CADM1: variants seen among roughly 807,000 people sequenced by gnomAD.
The protein encoded by CADM1 is cell adhesion molecule 1.
In CADM1, 15 loss-of-function variants were observed where a neutral mutation model predicts 53.1. The ratio of observed to expected loss-of-function variants is 0.28; its 90% CI spans 0.19 to 0.44. CADM1 has a LOEUF of 0.44. Among genes scored for constraint, CADM1 ranks in the 20% least tolerant of loss-of-function variants. The pLI is 1.00. For missense variants in CADM1, 434 were observed against 611.3 expected (o/e 0.71, Z 3.06); for synonymous variants, 281 against 243.0 (o/e 1.16, Z -1.45).
chr11:115,492,181 C>T (rs1489631390), intron 1 of CADM1, among the ~76,000 whole-genome samples: 3 of 151,944 alleles, frequency 2.0e-5, no homozygotes, highest in Non-Finnish European at 2.9e-5. Flanking sequence ...ATAACAAATA[C>T]GAGAACCTAG....
At chr11:115,483,920 A>G (rs549212993) in intron 1 of CADM1, among the ~76,000 whole-genome samples, 1 of 152,322 alleles carries the variant, frequency 6.6e-6, no homozygotes, top group South Asian at 2.1e-4. Flanking sequence ...AAGTTCTATT[A>G]GACAGCACTG....
Position 115,231,902 on chromosome 11 carries a change from C to T in CADM1, c.425-412G>A, listed in dbSNP as rs568372332. Among the ~76,000 whole-genome samples, 11 of 152,190 alleles carry T rather than the reference C, an allele frequency of 7.2e-5. No homozygotes were observed. The South Asian group carries it at 2.3e-3, about 32-fold the overall frequency. On this transcript the variant is annotated intron_variant, in intron 3 of 11. Transcript: ENST00000331581. ...TTGGGAGGCTGAGGCAGGAGAATCGCTTGAACCTGGGAGGCGGAGGTTACA... is the reference window on the plus strand; with the variant it reads ...TTGGGAGGCTGAGGCAGGAGAATCGTTTGAACCTGGGAGGCGGAGGTTACA...
At chr11:115,379,960 A>G (rs1419980122) in intron 1 of CADM1, among the ~76,000 whole-genome samples, 5 of 152,174 alleles carry the variant, frequency 3.3e-5, no homozygotes, top group South Asian at 2.1e-4. Flanking sequence ...TAGACTATAT[A>G]ATAAAAATCA....
chr11:115,471,816 G>A (rs1208511796), intron 1 of CADM1, among the ~76,000 whole-genome samples: 2 of 152,170 alleles, frequency 1.3e-5, no homozygotes, highest in African/African-American at 2.4e-5. Flanking sequence ...CAGAGATAGT[G>A]GGGGAGAAGG....
chr11:115,413,663 G>C (rs1484268451), intron 1 of CADM1, among the ~76,000 whole-genome samples: 1 of 68,242 alleles, frequency 1.5e-5, no homozygotes, highest in Non-Finnish European at 4.2e-5. Context: ...TTTTTTCTCT[G>C]AGACAGAGTC....
chr11:115,353,228 C>A, intron 1 of CADM1, among the ~76,000 whole-genome samples: 1 of 152,010 alleles, frequency 6.6e-6, no homozygotes, highest in East Asian at 1.9e-4. Context: ...TTAGGGAAAT[C>A]TTCTCTGTAA....
chr11:115,380,307 A>T (rs1946543471), intron 1 of CADM1, among the ~76,000 whole-genome samples: 1 of 152,154 alleles, frequency 6.6e-6, no homozygotes, highest in Admixed American at 6.5e-5. Flanking sequence ...TGATTTTTGA[A>T]CTCAAGCAAT....
intron 1 of CADM1, among the ~76,000 whole-genome samples, chr11:115,432,993 C>G (rs1311782110): frequency 6.6e-6 from 1 of 152,184 alleles, no homozygotes. Flanking sequence ...ATTTAAATAG[C>G]ATTCCAAATC....
At chr11:115,405,372 C>T (rs1440712365) in intron 1 of CADM1, among the ~76,000 whole-genome samples, 2 of 152,232 alleles carry the variant, frequency 1.3e-5, no homozygotes, top group Admixed American at 6.5e-5. Context: ...AGTTCTCCCA[C>T]AGCACCTATG....
intron 1 of CADM1, among the ~76,000 whole-genome samples, chr11:115,343,813 A>G (rs1202227610): frequency 1.3e-5 from 2 of 151,814 alleles, no homozygotes; most frequent in African/African-American, 4.8e-5. Context: ...GCTACCTATT[A>G]TCTCTGTGAT....
intron 8 of CADM1, among the ~76,000 whole-genome samples, chr11:115,207,760 C>T (rs1188425757): frequency 6.6e-6 from 1 of 152,120 alleles, no homozygotes; most frequent in Non-Finnish European, 1.5e-5. Flanking sequence ...GTAATAAATG[C>T]TGGCTCATAC....
intron 1 of CADM1, among the ~76,000 whole-genome samples, chr11:115,479,174 T>G (rs1009213278): frequency 2.6e-5 from 4 of 152,132 alleles, no homozygotes; most frequent in African/African-American, 9.7e-5. Flanking sequence ...TCTTTAAGAC[T>G]TTTTTGAGAA....
intron 5 of CADM1, among the ~76,000 whole-genome samples, chr11:115,226,351 T>C (rs1277131288): frequency 6.6e-6 from 1 of 152,194 alleles, no homozygotes; most frequent in Non-Finnish European, 1.5e-5. Context: ...AGGAAAACCC[T>C]GAGGGGTAAA....
intron 1 of CADM1, among the ~76,000 whole-genome samples, chr11:115,296,034 T>C (rs1944069286): frequency 6.6e-6 from 1 of 152,192 alleles, no homozygotes; most frequent in Non-Finnish European, 1.5e-5. Context: ...CACTATAACC[T>C]GGAACTCCTA....
chr11:115,424,588 C>T (rs1000997781), intron 1 of CADM1, among the ~76,000 whole-genome samples: 2 of 152,026 alleles, frequency 1.3e-5, no homozygotes, highest in South Asian at 2.1e-4. Flanking sequence ...AGTGCAGTGG[C>T]GAGATCTCTG....
chr11:115,483,627 T>G (rs1949303493), intron 1 of CADM1, among the ~76,000 whole-genome samples: 1 of 152,200 alleles, frequency 6.6e-6, no homozygotes, highest in Non-Finnish European at 1.5e-5. Context: ...CTACTAAATT[T>G]GGAGTGAATA....
intron 1 of CADM1, among the ~76,000 whole-genome samples, chr11:115,491,388 A>AC: frequency 6.6e-6 from 1 of 152,096 alleles, no homozygotes; most frequent in South Asian, 2.1e-4. Flanking sequence ...ACACGGTGAA[A>AC]CCCCATCTCT....
intron 1 of CADM1, chr11:115,256,953 G>A (rs965013555): frequency 4.4e-6 from 2 of 455,092 alleles, no homozygotes; most frequent in South Asian, 3.1e-5. Context: ...TAAAAAAGTC[G>A]TTAGGTTTAT....
chr11:115,258,408 C>A (rs1191463786), intron 1 of CADM1, among the ~76,000 whole-genome samples: 10 of 152,174 alleles, frequency 6.6e-5, no homozygotes, highest in African/African-American at 2.4e-4. Flanking sequence ...CAATACAGTT[C>A]TTATCTGTCA....
Sources: allele counts gnomAD v4.1 joint callset (sites outside exome capture counted in the v4.1 genomes callset), GRCh38; gene constraint gnomAD v4.1.1; transcripts MANE v1.5; gene names NCBI Gene and HGNC (gene_info 2026-07-23, HGNC 2026-07-21).